The following FMN1 variants were observed in gnomAD, a reference collection of about 807,000 sequenced individuals.
The protein encoded by FMN1 is formin 1.
A neutral mutation model predicts 132.4 loss-of-function variants in FMN1; 110 were observed. That is an observed-to-expected ratio of 0.83 (90% CI 0.71 to 0.97). The LOEUF is 0.97. Ranked by LOEUF, FMN1 falls within the 50% of genes least tolerant of loss-of-function variation. FMN1 has a pLI of 0.00. For missense variants in FMN1, 1,792 were observed against 1,705.3 expected (o/e 1.05, Z -0.90); for synonymous variants, 722 against 651.7 (o/e 1.11, Z -1.64).
chr15:33,019,640 G>A (rs946199367), intron 6 of FMN1, among the ~76,000 whole-genome samples: 2 of 152,194 alleles, frequency 1.3e-5, no homozygotes, highest in African/African-American at 2.4e-5. Context: ...AGGCAGCTAA[G>A]CCCCGGGGAC....
At chr15:33,015,872 T>A (rs957251733) in intron 6 of FMN1, among the ~76,000 whole-genome samples, 1 of 152,192 alleles carries the variant, frequency 6.6e-6, no homozygotes, top group South Asian at 2.1e-4. Flanking sequence ...AACACACACA[T>A]AAAACCCGTG....
At chr15:33,173,108 A>G (rs771179032) in intron 3 of FMN1, among the ~76,000 whole-genome samples, 7 of 152,160 alleles carry the variant, frequency 4.6e-5, no homozygotes, top group Admixed American at 6.5e-5. Context: ...CCTGACCCCA[A>G]TCTGAGATAT....
intron 9 of FMN1, among the ~76,000 whole-genome samples, chr15:32,942,268 G>T (rs1446461274): frequency 6.6e-6 from 1 of 152,132 alleles, no homozygotes; most frequent in Non-Finnish European, 1.5e-5. Flanking sequence ...TTTAAAGCCT[G>T]CCTCTGTGAA....
rs1029049857 is a variant in FMN1 at position 33,153,485 on chromosome 15, T to C, written c.1430A>G (p.Lys477Arg). ...HKSLFLDLPHKVGPDSSQPRG... is the reference protein window; with the variant it reads ...HKSLFLDLPHRVGPDSSQPRG... ...GGGTTGTGAGGAGTCAGGACCTACT[T>C]TGTGGGGCAGATCCAGAAACAAGGA... The change falls in exon 4 of 21, where the codon AAA becomes AGA. Residue 477 changes from lysine to arginine, a missense_variant. Lys to Arg is a conservative substitution (Grantham distance 26). Around this residue, in one of 3 missense-constraint regions of FMN1, gnomAD observed 638 missense variants for 645.2 expected, o/e 0.99. Transcript: ENST00000616417. The C allele has an allele frequency of 3.3e-6, 5 of 1,536,496 alleles. No homozygotes were observed. The African/African-American group carries it at 6.8e-5, about 21-fold the overall frequency.
chr15:33,052,060 G>C (rs1292578063), intron 6 of FMN1, among the ~76,000 whole-genome samples: 1 of 152,150 alleles, frequency 6.6e-6, no homozygotes, highest in Non-Finnish European at 1.5e-5. Flanking sequence ...AAAGAATTGA[G>C]GCCGATGCTA....
chr15:32,766,292 T>C lies in FMN1; in HGVS notation c.*8018A>G, dbSNP rs1223008196. The C allele has an allele frequency of 1.3e-5, 2 of 152,176 alleles. No homozygotes were observed. The highest frequency in any genetic ancestry group is 4.8e-5 in the African/African-American group (2 of 41,438). The allele number at this position is 152,176 out of a possible 1,614,324, so 9.4% of individuals were successfully genotyped here. Reference sequence around the variant, plus strand: ...TCCTGATTCAGAACAGGGGTAGATGTTTGAATCATGAATAGTAGTAAGAAT... The same window carrying C: ...TCCTGATTCAGAACAGGGGTAGATGCTTGAATCATGAATAGTAGTAAGAAT... On this transcript the variant is annotated 3_prime_UTR_variant, in exon 21 of 21. Coordinates refer to ENST00000616417, the MANE Select transcript of FMN1 (RefSeq NM_001277313.2).
At chr15:33,098,862 G>A (rs906710417) in intron 4 of FMN1, among the ~76,000 whole-genome samples, 1 of 152,080 alleles carries the variant, frequency 6.6e-6, no homozygotes, top group Non-Finnish European at 1.5e-5. Context: ...CAGGCCTAAG[G>A]TTGGTAAGGG....
intron 8 of FMN1, among the ~76,000 whole-genome samples, chr15:32,965,551 A>G (rs1295981132): frequency 6.6e-6 from 1 of 152,218 alleles, no homozygotes; most frequent in Non-Finnish European, 1.5e-5. Context: ...AACTAAAAAG[A>G]TAACTATTAT....
intron 6 of FMN1, among the ~76,000 whole-genome samples, chr15:33,011,204 T>A (rs237746): frequency 0.91 from 138,706 of 152,126 alleles, 63,998 homozygotes; most frequent in Non-Finnish European, 0.98. Flanking sequence ...ACACAGGGAT[T>A]AACAAATAGG....
chr15:32,848,977 G>GTTTTTTTTTTTTTTTTTTTTT (rs71113479), intron 17 of FMN1, among the ~76,000 whole-genome samples: 3 of 89,576 alleles, frequency 3.3e-5, no homozygotes, highest in East Asian at 4.0e-4. Context: ...GTTCTCTTTT[G>GTTTTTTTTTTTTTTTTTTTTT]TTTTTTTTTT....
intron 20 of FMN1, 124 bp downstream of exon 20, chr15:32,776,711 T>A: frequency 5.7e-6 from 3 of 530,084 alleles, no homozygotes; most frequent in Non-Finnish European, 9.9e-6. Context: ...TTTTTAACCA[T>A]ATGCTACTCT....
rs546430710 is a variant in FMN1 at position 32,849,066 on chromosome 15, C to T, written c.3928+7949G>A. Reference sequence around the variant, plus strand: ...TGGCGCAATCTCGGCTCACTGCAAGCTCTGCCTCCCGGGTTCATGCCATTC... The same window carrying T: ...TGGCGCAATCTCGGCTCACTGCAAGTTCTGCCTCCCGGGTTCATGCCATTC... On this transcript the variant is annotated intron_variant, in intron 17 of 20. Transcript: ENST00000616417. Among the ~76,000 whole-genome samples, 114 of 145,434 alleles carry T rather than the reference C, an allele frequency of 7.8e-4. No individual in the cohort carries two copies. In the South Asian group the frequency reaches 8.3e-3, roughly 11 times the overall value.
In FMN1 at chr15:32,882,517, G is replaced by A. The variant is rs1450238051; in HGVS notation, c.3835+5655C>T. Among the ~76,000 whole-genome samples the A allele has an allele frequency of 2.0e-5, 3 of 152,178 alleles. No individual in the cohort carries two copies. In the South Asian group the frequency reaches 6.2e-4, roughly 32 times the overall value. On this transcript the variant is annotated intron_variant, in intron 16 of 20. Coordinates refer to ENST00000616417, the MANE Select transcript of FMN1 (RefSeq NM_001277313.2). Reference sequence around the variant, plus strand: ...AGACCCTTTGTCCACTGTCTACACTGGTAGGGAGGAGAATTTTATTGCTGC... The same window carrying A: ...AGACCCTTTGTCCACTGTCTACACTAGTAGGGAGGAGAATTTTATTGCTGC...
intron 16 of FMN1, among the ~76,000 whole-genome samples, chr15:32,867,632 G>GC (rs956786674): frequency 1.3e-5 from 2 of 151,736 alleles, no homozygotes; most frequent in African/African-American, 2.4e-5. Context: ...TCAGCCCCCT[G>GC]CCCCCCGCTC....
At position 33,088,835 on chromosome 15, in the gene FMN1, C is replaced by A. The variant is rs1157883041; in HGVS notation, c.2007G>T (p.Glu669Asp). 2 of 1,535,796 alleles carry A rather than the reference C, an allele frequency of 1.3e-6. No individual in the cohort carries two copies. Among genetic ancestry groups the A allele is most frequent in the Admixed American group, 3.9e-5 (2 of 50,946 alleles). The change falls in exon 5 of 21, where the codon GAG becomes GAT. Residue 669 changes from glutamate (E) to aspartate (D), a missense_variant. By Grantham distance (45) the Glu-to-Asp change is conservative. Transcript: ENST00000616417. ...AGTACAATTCGCTCCTGTTTGACTTCTCCCTTTCCTCATGAAGCAAAAATG... is the reference window on the plus strand; with the variant it reads ...AGTACAATTCGCTCCTGTTTGACTTATCCCTTTCCTCATGAAGCAAAAATG... Reference protein sequence around the residue: ...ACPFLLHEEREKSNRSELYLD... With the variant: ...ACPFLLHEERDKSNRSELYLD...
intron 16 of FMN1, among the ~76,000 whole-genome samples, chr15:32,886,112 T>A (rs2059890192): frequency 6.6e-6 from 1 of 152,196 alleles, no homozygotes; most frequent in Non-Finnish European, 1.5e-5. Context: ...TCTTGCCAGA[T>A]GGTATTTAGA....
intron 9 of FMN1, among the ~76,000 whole-genome samples, chr15:32,933,077 GTTGT>G (rs149955886): frequency 0.014 from 2,122 of 152,102 alleles, 47 homozygotes; most frequent in African/African-American, 0.049. Context: ...GTAGAGTCAG[GTTGT>G]TTATTTGAAA....
intron 17 of FMN1, among the ~76,000 whole-genome samples, chr15:32,842,832 G>A (rs2141221506): frequency 1.4e-5 from 2 of 144,394 alleles, no homozygotes; most frequent in African/African-American, 2.5e-5. Flanking sequence ...AGCTCAGAAA[G>A]GTAGGGGAGA....
At chr15:33,045,903 C>T (rs567703530) in intron 6 of FMN1, among the ~76,000 whole-genome samples, 10 of 152,304 alleles carry the variant, frequency 6.6e-5, no homozygotes, top group South Asian at 4.1e-4. Flanking sequence ...ATCCCTTCTG[C>T]CTGCCTTGGC....
Sources: gnomAD v4.1 joint callset for allele counts (sites outside exome capture counted in the v4.1 genomes callset) on GRCh38, gnomAD v4.1.1 for gene constraint, gnomAD v4.1.1 regional missense constraint, MANE v1.5 for transcripts, NCBI Gene and HGNC (gene_info 2026-07-23, HGNC 2026-07-21) for gene names.